Variants in GYPB observed in about 807,000 individuals in gnomAD.
The protein encoded by GYPB is glycophorin B (MNS blood group), also known as glycophorin-B.
GYPB carries 13 observed loss-of-function variants against 15.3 expected under a neutral mutation model. The ratio of observed to expected loss-of-function variants is 0.85; its 90% confidence interval spans 0.55 to 1.35. The LOEUF (loss-of-function observed/expected upper bound fraction) is 1.35, where lower values mean the gene tolerates loss of function less well. Ranked by LOEUF, GYPB falls within the 40% of genes most tolerant of loss-of-function variation. GYPB has a pLI of 0.00. For missense variants in GYPB, 131 were observed against 108.3 expected (o/e 1.21, Z -0.93); for synonymous variants, 38 against 36.9 (o/e 1.03, Z -0.11).
intron 1 of GYPB, among the ~76,000 whole-genome samples, chr4:144,012,075 A>G (rs1216226995): frequency 2.6e-5 from 4 of 152,022 alleles, no homozygotes; most frequent in Non-Finnish European, 5.9e-5. Flanking sequence ...TATAGCCCAT[A>G]TAAAAAGGAG....
intron 1 of GYPB, among the ~76,000 whole-genome samples, chr4:144,010,106 G>C (rs1488053514): frequency 6.6e-6 from 1 of 151,152 alleles, no homozygotes; most frequent in African/African-American, 2.5e-5. Context: ...CTGCAGTCAG[G>C]ATGGCGCATT....
chr4:144,001,249 C>A lies in GYPB; in HGVS notation c.72G>T (p.Glu24Asp), dbSNP rs772460739. The part of the protein sequence containing the change: ...IVSISALSTT[E>D]VAMHTSTSSS... ...AAGAGGTTGAAGTGTGCATTGCCAC[C>A]TCAGTGGTACTTAATGCTGATATGC... Residue 24 changes from glutamate to aspartate, a missense_variant, in exon 2 of 5, where the codon GAG becomes GAT. By Grantham distance (45) the Glu-to-Asp change is conservative. Coordinates refer to ENST00000502664, the MANE Select transcript of GYPB (RefSeq NM_002100.6). 1.7e-3 allele frequency: 2,711 copies of A among 1,611,050 alleles called. 202 individuals are homozygous for A. In the African/African-American group the frequency reaches 0.034, roughly 20 times the overall value.
At position 143,996,182 on chromosome 4, in the gene GYPB, A is replaced by G. The variant is rs1397650295; in HGVS notation, c.*117T>C. On this transcript the variant is annotated 3_prime_UTR_variant, in exon 5 of 5. Transcript: ENST00000502664. ...TGAGGCAGGAGAACAGGGAATTAGG[A>G]TAGCCAGGGGTAGGGGCATAAGCAA... is the stretch of plus-strand genomic sequence containing the variant. The G allele has an allele frequency of 6.5e-7, 1 of 1,539,368 alleles. No homozygotes were observed. Among genetic ancestry groups the G allele is most frequent in the Non-Finnish European group, 8.8e-7 (1 of 1,140,002 alleles).
In GYPB at chr4:143,996,317, G is replaced by T; in HGVS notation, c.271-13C>A. On this transcript the variant is annotated splice_polypyrimidine_tract_variant and intron_variant, in intron 4 of 4. Transcript: ENST00000502664. ...CACATCCTCATGCCTGTGATAAAAA[G>T]ACAAGAAGTTTCCACTTCAGCCTCT... is the stretch of plus-strand genomic sequence containing the variant. 1 of 1,550,686 alleles carries T rather than the reference G, an allele frequency of 6.4e-7. No homozygotes were observed. Among genetic ancestry groups the T allele is most frequent in the Non-Finnish European group, 8.7e-7 (1 of 1,147,140 alleles).
intron 3 of GYPB, 79 bp from the exon 4 acceptor site, chr4:143,997,713 C>G: frequency 1.3e-6 from 1 of 776,624 alleles, no homozygotes; most frequent in Non-Finnish European, 2.3e-6. Flanking sequence ...ATAACATCAG[C>G]ATAACATCAC....
chr4:144,008,441 T>C (rs1042421189), intron 1 of GYPB: 13 of 455,164 alleles, frequency 2.9e-5, no homozygotes, highest in Non-Finnish European at 5.3e-5. Context: ...CATAGCATTG[T>C]AGGGTGACCT....
Position 144,001,396 on chromosome 4 carries a change from G to C in GYPB, c.38-113C>G, listed in dbSNP as rs6537239. 1.8e-4 allele frequency: 287 copies of C among 1,554,736 alleles called. 17 individuals are homozygous for C. The African/African-American group carries it at 3.6e-3, about 20-fold the overall frequency. On this transcript the variant is annotated intron_variant, in intron 1 of 4. Transcript: ENST00000502664. Reference sequence around the variant, plus strand: ...CATCCCTCCAGTCCCTGAGCTAAGCGCTTTAGTATATATCTTACATAATCT... The same window carrying C: ...CATCCCTCCAGTCCCTGAGCTAAGCCCTTTAGTATATATCTTACATAATCT...
intron 1 of GYPB, among the ~76,000 whole-genome samples, chr4:144,014,617 A>T (rs1378160970): frequency 6.6e-6 from 1 of 151,348 alleles, no homozygotes; most frequent in African/African-American, 2.5e-5. Context: ...AGTGGTTTCC[A>T]GGGGCTGGAG....
chr4:144,016,733 T>C (rs1417647233), intron 1 of GYPB: 1 of 372,240 alleles, frequency 2.7e-6, no homozygotes, highest in East Asian at 7.2e-5. Flanking sequence ...TATTTTCAAA[T>C]TGGTTCTTAG....
At chr4:144,015,793 C>A (rs1188810283) in intron 1 of GYPB, among the ~76,000 whole-genome samples, 1 of 151,122 alleles carries the variant, frequency 6.6e-6, no homozygotes, top group Admixed American at 6.6e-5. Flanking sequence ...TCATCTCAGG[C>A]TGAATTTTGG....
At chr4:144,008,199 T>C (rs1403694608) in intron 1 of GYPB, among the ~76,000 whole-genome samples, 1 of 151,546 alleles carries the variant, frequency 6.6e-6, no homozygotes, top group Non-Finnish European at 1.5e-5. Flanking sequence ...GATTTTGAAT[T>C]CAGACCTATG....
Position 144,016,540 on chromosome 4 carries a change from G to A in GYPB, c.37+2711C>T, listed in dbSNP as rs527923071. On this transcript the variant is annotated intron_variant, in intron 1 of 4. Coordinates refer to ENST00000502664, the MANE Select transcript of GYPB (RefSeq NM_002100.6). ...CCAATCGGGAACTGTGCTAGATTCT[G>A]GGAATACATGGATGAATAAAGTAGG... Among the ~76,000 whole-genome samples the A allele has an allele frequency of 2.6e-5, 4 of 151,014 alleles. 1 individual carries two copies. The highest frequency in any genetic ancestry group is 9.9e-5 in the African/African-American group (4 of 40,502).
downstream of GYPB, among the ~76,000 whole-genome samples, chr4:143,995,666 C>G (rs1310297511): frequency 6.6e-6 from 1 of 151,038 alleles, no homozygotes; most frequent in Admixed American, 6.6e-5. Context: ...TACCCCTGTG[C>G]CTGTCATTCT....
chr4:144,000,385 T>A (rs557651290), intron 2 of GYPB: 7 of 985,596 alleles, frequency 7.1e-6, no homozygotes, highest in Non-Finnish European at 9.2e-6. Flanking sequence ...GAACATAACG[T>A]TTTTCTTTTC....
At chr4:144,008,761 C>T (rs1728061507) in intron 1 of GYPB, among the ~76,000 whole-genome samples, 1 of 151,494 alleles carries the variant, frequency 6.6e-6, no homozygotes, top group African/African-American at 2.5e-5. Flanking sequence ...CTTCCTTTCA[C>T]TGGTTGAACA....
chr4:144,009,405 A>G (rs1728096669), intron 1 of GYPB, among the ~76,000 whole-genome samples: 1 of 150,842 alleles, frequency 6.6e-6, no homozygotes, highest in African/African-American at 2.5e-5. Context: ...TTTGTGGGCC[A>G]CAACTACTTT....
intron 1 of GYPB, among the ~76,000 whole-genome samples, chr4:144,008,889 A>G (rs1460337868): frequency 6.6e-6 from 1 of 151,496 alleles, no homozygotes; most frequent in Non-Finnish European, 1.5e-5. Flanking sequence ...CAACTGCTCC[A>G]GTTGGTAATA....
At chr4:144,017,737 T>A (rs1480724107) in intron 1 of GYPB, among the ~76,000 whole-genome samples, 1 of 151,472 alleles carries the variant, frequency 6.6e-6, no homozygotes, top group Non-Finnish European at 1.5e-5. Flanking sequence ...TAATTTTGTT[T>A]GAGCTACATC....
Position 144,017,592 on chromosome 4 carries a change from T to A in GYPB, c.37+1659A>T, listed in dbSNP as rs183796950. Among the ~76,000 whole-genome samples, 160 of 151,168 alleles carry A rather than the reference T, an allele frequency of 1.1e-3. 7 individuals are homozygous for A. The highest frequency in any genetic ancestry group is 3.7e-3 in the African/African-American group (151 of 40,558). On this transcript the variant is annotated intron_variant, in intron 1 of 4. Transcript: ENST00000502664. Reference sequence around the variant, plus strand: ...TGCCATTTAAGGCTTTAATTCACTATCTGCTTGTGTAGTTGTAGAAATTTA... The same window carrying A: ...TGCCATTTAAGGCTTTAATTCACTAACTGCTTGTGTAGTTGTAGAAATTTA...
Sources: allele counts gnomAD v4.1 joint callset (sites outside exome capture counted in the v4.1 genomes callset), GRCh38; gene constraint gnomAD v4.1.1; transcripts MANE v1.5; gene names NCBI Gene and HGNC (gene_info 2026-07-23, HGNC 2026-07-21).